SUN5: variants seen among roughly 807,000 people sequenced by gnomAD.
SUN5 encodes the protein SUN domain-containing protein 5.
Under a neutral mutation model 53.7 loss-of-function variants are expected in SUN5, and 44 were observed. The observed-to-expected ratio is 0.82, with a 90% CI of 0.64 to 1.05. The LOEUF (loss-of-function observed/expected upper bound fraction) is 1.05, where lower values mean the gene tolerates loss of function less well. Among genes scored for constraint, SUN5 ranks in the 50% least tolerant of loss-of-function variants. The probability of loss-of-function intolerance (pLI) is 0.00; values close to 1 mark genes in which losing one functional copy is unlikely to be tolerated. For missense variants in SUN5, 433 were observed against 483.8 expected (o/e 0.90, Z 0.98); for synonymous variants, 166 against 179.8 (o/e 0.92, Z 0.62).
chr20:32,987,822 G>C (rs760248766), intron 9 of SUN5, 47 bp from the exon 10 acceptor site: 2 of 1,517,870 alleles, frequency 1.3e-6, no homozygotes, highest in South Asian at 2.4e-5. Flanking sequence ...GCTTCTGCCT[G>C]GTGGAGGGGA....
Position 32,987,774 on chromosome 20 carries a change from C to T in SUN5, c.615G>A (p.Gly205=). 1 of 1,610,982 alleles carries T rather than the reference C, an allele frequency of 6.2e-7. No homozygotes were observed. The highest frequency in any genetic ancestry group is 8.5e-7 in the Non-Finnish European group (1 of 1,178,770). ...ACGTGTGCTCAAAGTCAATGCTGGC[C>T]CCTGTATAGGAGAAGGGGGTCTCAG... The part of the protein sequence containing the change: ...EKPDFALKSI[G]ASIDFEHTSV... Residue 205 remains glycine, a splice_region_variant and synonymous_variant, in exon 10 of 13, where the codon GGG becomes GGA. Coordinates refer to ENST00000356173, the MANE Select transcript of SUN5 (RefSeq NM_080675.4).
intron 9 of SUN5, 56 bp from the exon 10 acceptor site, chr20:32,987,831 G>C (rs1190854514): frequency 1.4e-5 from 20 of 1,423,544 alleles, no homozygotes; most frequent in African/African-American, 2.8e-5. Flanking sequence ...TGGTGGAGGG[G>C]ACGCCACTGA....
At chr20:32,999,740 C>A in intron 5 of SUN5, 1 of 585,082 alleles carries the variant, frequency 1.7e-6, no homozygotes, top group East Asian at 3.4e-5. Flanking sequence ...CAGTATATGT[C>A]AGTGGAGGGA....
In SUN5 at chr20:33,000,147, G is replaced by A. The variant is rs1377320521; in HGVS notation, c.279-12C>T. ...ACAGCAGCTTGCATCTGGAAGGCAG[G>A]GAGTGGTGGTCAAGATCAGGTGGGC... On this transcript the variant is annotated splice_polypyrimidine_tract_variant and intron_variant, in intron 4 of 12. Transcript: ENST00000356173. 6.3e-7 allele frequency: 1 copy of A among 1,597,006 alleles called. No homozygotes were observed. The highest frequency in any genetic ancestry group is 8.5e-7 in the Non-Finnish European group (1 of 1,173,244).
chr20:33,002,192 T>C (rs527681004), intron 3 of SUN5, among the ~76,000 whole-genome samples: 2 of 151,852 alleles, frequency 1.3e-5, no homozygotes, highest in African/African-American at 4.8e-5. Flanking sequence ...AATCAGGAGA[T>C]AGATGAGAGA....
chr20:33,001,214 G>GC lies in SUN5; in HGVS notation c.275dup (p.Cys92TrpfsTer41). On this transcript the variant is annotated frameshift_variant, in exon 4 of 13. Transcript: ENST00000356173. LOFTEE classifies it high-confidence loss of function. Reference sequence around the variant, plus strand: ...CTCCCCCTGCCTTCCCTGCTCACCTGCACGTGTTAAACAGAACCTGCTGGG... The same window carrying GC: ...CTCCCCCTGCCTTCCCTGCTCACCTGCCACGTGTTAAACAGAACCTGCTGGG... 1 of 1,572,392 alleles carries GC rather than the reference G, an allele frequency of 6.4e-7. No homozygotes were observed. Among genetic ancestry groups the GC allele is most frequent in the South Asian group, 1.2e-5 (1 of 85,662 alleles).
At chr20:32,990,231 G>A (rs1396870097) in intron 8 of SUN5, among the ~76,000 whole-genome samples, 2 of 152,212 alleles carry the variant, frequency 1.3e-5, no homozygotes, top group African/African-American at 4.8e-5. Context: ...GCTTGTTCAA[G>A]ATCACCCAGC....
Position 33,002,896 on chromosome 20 carries a change from G to T in SUN5, c.101C>A (p.Thr34Asn). The T allele has an allele frequency of 6.2e-7, 1 of 1,614,154 alleles. No individual in the cohort carries two copies. Among genetic ancestry groups the T allele is most frequent in the South Asian group, 1.1e-5 (1 of 91,072 alleles). ...PRRIAQRGRN[T>N]SRMAEDTSPN... ...GGAGGTGTCCTCTGCCATCCTGCTGGTGTTCCGGCCTCGCTGGGCAATCCT... is the reference window on the plus strand; with the variant it reads ...GGAGGTGTCCTCTGCCATCCTGCTGTTGTTCCGGCCTCGCTGGGCAATCCT... The change falls in exon 2 of 13, where the codon ACC (threonine) becomes AAC (asparagine). Residue 34 changes from threonine to asparagine, a missense_variant. Thr to Asn is a moderately conservative substitution (Grantham distance 65). Coordinates refer to ENST00000356173, the MANE Select transcript of SUN5 (RefSeq NM_080675.4).
At chr20:32,989,813 C>A in intron 8 of SUN5, 115 bp from the exon 9 acceptor site, 1 of 840,620 alleles carries the variant, frequency 1.2e-6, no homozygotes, top group South Asian at 1.5e-5. Context: ...CCTAACAGCC[C>A]ACCCCTGCCT....
chr20:32,984,034 C>A, intron 12 of SUN5, 85 bp from the exon 13 acceptor site: 1 of 1,432,652 alleles, frequency 7.0e-7, no homozygotes, highest in Non-Finnish European at 9.2e-7. Context: ...GGGAAGTTTC[C>A]CATTTCATAG....
Position 33,001,671 on chromosome 20 carries a change from C to T in SUN5, c.212-393G>A, listed in dbSNP as rs187685840. Among the ~76,000 whole-genome samples the T allele has an allele frequency of 8.7e-4, 112 of 128,244 alleles. 1 individual carries two copies. Among genetic ancestry groups the T allele is most frequent in the African/African-American group, 3.2e-3 (109 of 34,480 alleles). 84.1% of individuals were successfully genotyped at this position (128,244 alleles called of 152,430 possible). On this transcript the variant is annotated intron_variant, in intron 3 of 12. Coordinates refer to ENST00000356173, the MANE Select transcript of SUN5 (RefSeq NM_080675.4). Reference sequence around the variant, plus strand: ...CCTCCCTCCCTCCCTCCCTCCCTTCCTTCCTTCTTTCCTTTTTGACAGAGT... The same window carrying T: ...CCTCCCTCCCTCCCTCCCTCCCTTCTTTCCTTCTTTCCTTTTTGACAGAGT...
intron 8 of SUN5, among the ~76,000 whole-genome samples, chr20:32,991,937 C>T (rs1989720823): frequency 6.6e-6 from 1 of 152,174 alleles, no homozygotes; most frequent in African/African-American, 2.4e-5. Flanking sequence ...CAGGCTGCTG[C>T]GTATGGTTGT....
At chr20:32,994,791 C>CAGGAGGCTG (rs11472969) in intron 8 of SUN5, among the ~76,000 whole-genome samples, 1 of 151,320 alleles carries the variant, frequency 6.6e-6, no homozygotes, top group Non-Finnish European at 1.5e-5. Flanking sequence ...CCCAGCTACT[C>CAGGAGGCTG]AGGTGTAGGA....
rs147655590 is a variant in SUN5 at position 32,985,146 on chromosome 20, C to A, written c.937G>T (p.Ala313Ser). The change falls in exon 12 of 13, where the codon GCA (alanine) becomes TCA (serine). Residue 313 changes from alanine (A) to serine (S), a missense_variant. Ala to Ser is a moderately conservative substitution (Grantham distance 99, BLOSUM62 1). Coordinates refer to ENST00000356173, the MANE Select transcript of SUN5 (RefSeq NM_080675.4). ...GSPKEEVFLG[A>S]FQFQPENIIQ... ...ATGTTTTCTGGCTGAAACTGAAATG[C>A]CCCCAGGAACACCTCCTCCTTGGGG... is the stretch of plus-strand genomic sequence containing the variant. 1.2e-6 allele frequency: 2 copies of A among 1,613,942 alleles called. No homozygotes were observed. The highest frequency in any genetic ancestry group is 1.7e-6 in the Non-Finnish European group (2 of 1,179,978).
intron 1 of SUN5, among the ~76,000 whole-genome samples, 182 bp from the exon 2 acceptor site, chr20:33,003,101 G>A (rs1306606427): frequency 1.3e-5 from 2 of 152,208 alleles, no homozygotes; most frequent in Non-Finnish European, 2.9e-5. Flanking sequence ...ATCCATCAAG[G>A]AAAAGACCCA....
intron 7 of SUN5, among the ~76,000 whole-genome samples, 161 bp downstream of exon 7, chr20:32,996,163 G>A (rs1989840122): frequency 6.6e-6 from 1 of 152,176 alleles, no homozygotes. Flanking sequence ...GAGAGAATAG[G>A]TGACTTGCCT....
At position 33,001,704 on chromosome 20, in the gene SUN5, T is replaced by C. The variant is rs527644745; in HGVS notation, c.212-426A>G. 1.1e-4 allele frequency among the ~76,000 whole-genome samples: 13 copies of C among 123,552 alleles called. No homozygotes were observed. The Admixed American group carries it at 1.2e-3, about 11-fold the overall frequency. 81.1% of individuals were successfully genotyped at this position (123,552 alleles called of 152,430 possible). ...TTTCCTTTTTGACAGAGTCTCACTC[T>C]GTCACCCAGGCTGGAGTGCAGTGGC... On this transcript the variant is annotated intron_variant, in intron 3 of 12. Coordinates refer to ENST00000356173, the MANE Select transcript of SUN5 (RefSeq NM_080675.4).
intron 7 of SUN5, 70 bp from the exon 8 acceptor site, chr20:32,995,797 CT>C: frequency 7.0e-7 from 1 of 1,437,804 alleles, no homozygotes; most frequent in Non-Finnish European, 9.8e-7. Flanking sequence ...CAGATTTTCC[CT>C]TTGCTAGTTG....
At chr20:32,997,139 C>T (rs559953353) in intron 6 of SUN5, among the ~76,000 whole-genome samples, 1 of 152,292 alleles carries the variant, frequency 6.6e-6, no homozygotes, top group African/African-American at 2.4e-5. Context: ...TGAAGGGGTT[C>T]ATAAGGAGGA....
Sources: gnomAD v4.1 joint callset for allele counts (sites outside exome capture counted in the v4.1 genomes callset) on GRCh38, gnomAD v4.1.1 for gene constraint, MANE v1.5 for transcripts, NCBI Gene and HGNC (gene_info 2026-07-23, HGNC 2026-07-21) for gene names.